FIGN: variants seen among roughly 807,000 people sequenced by gnomAD.
FIGN encodes the protein fidgetin.
In FIGN, 11 loss-of-function variants were observed where a neutral mutation model predicts 51.3. The ratio of observed to expected loss-of-function variants is 0.21; its 90% CI spans 0.13 to 0.35. The LOEUF is 0.35. Ranked by LOEUF, FIGN falls within the 10% of genes least tolerant of loss-of-function variation. The pLI is 1.00. For missense variants in FIGN, 857 were observed against 943.6 expected (o/e 0.91, Z 1.20); for synonymous variants, 407 against 363.2 (o/e 1.12, Z -1.37).
chr2:163,649,505 C>G lies in FIGN; in HGVS notation c.26-37699G>C, dbSNP rs572077475. On this transcript the variant is annotated intron_variant, in intron 2 of 2. Coordinates refer to ENST00000333129, the MANE Select transcript of FIGN (RefSeq NM_018086.4). The stretch of plus-strand genomic sequence containing the variant: ...GCCCTGAGACTAAGGCAAGAGAGGC[C>G]CAGATGTTCCGTGTCCCAGCTGAGC... Among the ~76,000 whole-genome samples the G allele has an allele frequency of 2.7e-4, 41 of 152,210 alleles. No individual in the cohort carries two copies. In the South Asian group the frequency reaches 8.3e-3, roughly 31 times the overall value.
intron 2 of FIGN, among the ~76,000 whole-genome samples, chr2:163,661,848 A>C (rs1479433645): frequency 1.3e-5 from 2 of 152,032 alleles, no homozygotes; most frequent in Non-Finnish European, 2.9e-5. Context: ...TCCTGCCATG[A>C]TTCTGAGGCC....
At chr2:163,647,318 C>T (rs1300906343) in intron 2 of FIGN, among the ~76,000 whole-genome samples, 1 of 152,138 alleles carries the variant, frequency 6.6e-6, no homozygotes, top group African/African-American at 2.4e-5. Context: ...GTAACAGTCC[C>T]TTGAGATTCA....
At chr2:163,669,187 A>G (rs1370967716) in intron 2 of FIGN, among the ~76,000 whole-genome samples, 2 of 152,084 alleles carry the variant, frequency 1.3e-5, no homozygotes, top group African/African-American at 2.4e-5. Flanking sequence ...TACATAACTA[A>G]TAACAACTAA....
intron 2 of FIGN, among the ~76,000 whole-genome samples, chr2:163,667,072 G>T (rs931230476): frequency 6.6e-6 from 1 of 151,518 alleles, no homozygotes; most frequent in Non-Finnish European, 1.5e-5. Flanking sequence ...TCTATTTTTG[G>T]TTAGTGTCAC....
chr2:163,660,871 A>ATG lies in FIGN; in HGVS notation c.26-49066_26-49065insCA. Among the ~76,000 whole-genome samples the ATG allele has an allele frequency of 1.1e-4, 2 of 18,386 alleles. 1 individual carries two copies. The highest frequency in any genetic ancestry group is 2.2e-3 in the Admixed American group (2 of 908). 12.1% of individuals were successfully genotyped at this position (18,386 alleles called of 152,430 possible). A position where few individuals can be genotyped will look rare whatever the true frequency, so the allele number is the denominator to read the frequency against. ...TATATATGTATACATATATATATATATATATATATTTTTTTTTTTTTTTTT... is the reference window on the plus strand; with the variant it reads ...TATATATGTATACATATATATATATATGTATATATATTTTTTTTTTTTTTTTT... On this transcript the variant is annotated intron_variant, in intron 2 of 2. Transcript: ENST00000333129.
At chr2:163,670,075 A>G (rs116678822) in intron 2 of FIGN, among the ~76,000 whole-genome samples, 1,864 of 152,294 alleles carry the variant, frequency 0.012, 41 homozygotes, top group African/African-American at 0.042. Context: ...AAGATGTGCA[A>G]GAAGGTAATT....
At position 163,605,354 on chromosome 2, in the gene FIGN, G is replaced by C. The variant is rs780188418; in HGVS notation, c.*4198C>G. 1 of 151,970 alleles carries C rather than the reference G, an allele frequency of 6.6e-6. No individual in the cohort carries two copies. The highest frequency in any genetic ancestry group is 1.9e-4 in the East Asian group (1 of 5,184). 9.4% of individuals were successfully genotyped at this position (151,970 alleles called of 1,614,324 possible). ...TGTTGGTTAGTCACAAGTACAGCTGGTTGTGAATTCTGAAATACTAATAGC... is the reference window on the plus strand; with the variant it reads ...TGTTGGTTAGTCACAAGTACAGCTGCTTGTGAATTCTGAAATACTAATAGC... On this transcript the variant is annotated 3_prime_UTR_variant, in exon 3 of 3. Coordinates refer to ENST00000333129, the MANE Select transcript of FIGN (RefSeq NM_018086.4).
intron 2 of FIGN, among the ~76,000 whole-genome samples, chr2:163,628,803 T>C (rs904547337): frequency 6.6e-5 from 10 of 152,170 alleles, no homozygotes; most frequent in African/African-American, 2.4e-4. Context: ...AAAGAGATTG[T>C]GGTGGATACT....
chr2:163,704,065 C>A (rs1256374904), intron 2 of FIGN, among the ~76,000 whole-genome samples: 1 of 152,028 alleles, frequency 6.6e-6, no homozygotes, highest in Non-Finnish European at 1.5e-5. Flanking sequence ...TCCATTCCAG[C>A]TGGCAGAGTT....
rs1289665742 is a variant in FIGN at position 163,605,740 on chromosome 2, A to G, written c.*3812T>C. ...TACAGATTCAATGATCATGCTACCC[A>G]ATTCTAAGAAACATGAGAATGTGAG... On this transcript the variant is annotated 3_prime_UTR_variant, in exon 3 of 3. Coordinates refer to ENST00000333129, the MANE Select transcript of FIGN (RefSeq NM_018086.4). 6.6e-6 allele frequency: 1 copy of G among 152,014 alleles called. No individual in the cohort carries two copies. The highest frequency in any genetic ancestry group is 1.5e-5 in the Non-Finnish European group (1 of 67,994). The allele number at this position is 152,014 out of a possible 1,614,324, so 9.4% of individuals were successfully genotyped here. A position where few individuals can be genotyped will look rare whatever the true frequency, so the allele number is the denominator to read the frequency against.
chr2:163,651,009 A>G (rs1403115123), intron 2 of FIGN, among the ~76,000 whole-genome samples: 1 of 152,226 alleles, frequency 6.6e-6, no homozygotes, highest in Non-Finnish European at 1.5e-5. Context: ...ATTGGGCTCA[A>G]TGAGGACCCA....
At chr2:163,657,531 TGC>T (rs1491065157) in intron 2 of FIGN, among the ~76,000 whole-genome samples, 1 of 150,644 alleles carries the variant, frequency 6.6e-6, no homozygotes, top group African/African-American at 2.5e-5. Flanking sequence ...TGTGTGTGTG[TGC>T]ATGCACATGA....
In FIGN at chr2:163,605,034, T is replaced by A. The variant is rs1691060812; in HGVS notation, c.*4518A>T. On this transcript the variant is annotated 3_prime_UTR_variant, in exon 3 of 3. Coordinates refer to ENST00000333129, the MANE Select transcript of FIGN (RefSeq NM_018086.4). ...AGAACCATTTTATAAATATTTAACA[T>A]TCTATAGGACTGATTCATATATTCT... 1 of 149,668 alleles carries A rather than the reference T, an allele frequency of 6.7e-6. No individual in the cohort carries two copies. The highest frequency in any genetic ancestry group is 1.5e-5 in the Non-Finnish European group (1 of 67,558). 9.3% of individuals were successfully genotyped at this position (149,668 alleles called of 1,614,324 possible).
At chr2:163,673,027 C>A (rs978926947) in intron 2 of FIGN, among the ~76,000 whole-genome samples, 1 of 152,128 alleles carries the variant, frequency 6.6e-6, no homozygotes, top group Non-Finnish European at 1.5e-5. Flanking sequence ...TCTCGTTAGA[C>A]TTTCTGATCA....
chr2:163,663,232 G>A (rs1422240188), intron 2 of FIGN, among the ~76,000 whole-genome samples: 1 of 151,168 alleles, frequency 6.6e-6, no homozygotes, highest in Non-Finnish European at 1.5e-5. Context: ...AAAAAATAAT[G>A]TTGGTTTTTT....
intron 2 of FIGN, among the ~76,000 whole-genome samples, chr2:163,632,047 C>T (rs565741593): frequency 6.6e-6 from 1 of 152,158 alleles, no homozygotes; most frequent in Admixed American, 6.5e-5. Context: ...ACTTGGGAGG[C>T]TAAGGCAGGA....
chr2:163,723,185 C>T (rs1684786760), intron 2 of FIGN, among the ~76,000 whole-genome samples: 1 of 151,184 alleles, frequency 6.6e-6, no homozygotes, highest in Admixed American at 6.6e-5. Context: ...AGCAAGACTC[C>T]GTCTCAAAAA....
chr2:163,617,477 A>AG (rs1682899688), intron 2 of FIGN, among the ~76,000 whole-genome samples: 1 of 152,172 alleles, frequency 6.6e-6, no homozygotes, highest in Non-Finnish European at 1.5e-5. Context: ...TTGATTTTAG[A>AG]GATTAACAGA....
chr2:163,650,071 G>C (rs1342911780), intron 2 of FIGN, among the ~76,000 whole-genome samples: 2 of 152,124 alleles, frequency 1.3e-5, no homozygotes, highest in Non-Finnish European at 2.9e-5. Context: ...GAAGGAGAGA[G>C]ACTGACACAT....
Sources: allele counts gnomAD v4.1 joint callset (sites outside exome capture counted in the v4.1 genomes callset), GRCh38; gene constraint gnomAD v4.1.1; transcripts MANE v1.5; gene names NCBI Gene and HGNC (gene_info 2026-07-23, HGNC 2026-07-21).